The following TMTC2 variants were observed in gnomAD, a reference collection of about 807,000 sequenced individuals.
The protein encoded by TMTC2 is protein O-mannosyl-transferase TMTC2.
In TMTC2, 43 loss-of-function variants were observed where a neutral mutation model predicts 82.4. The observed-to-expected ratio is 0.52, with a 90% CI of 0.41 to 0.67. TMTC2 has a LOEUF of 0.67. TMTC2 is among the 30% of genes least tolerant of loss of function. TMTC2 has a pLI of 0.00. For synonymous variants in TMTC2, 408 were observed against 381.9 expected (o/e 1.07, Z -0.80); for missense variants, 919 against 1,012.4 (o/e 0.91, Z 1.25).
chr12:82,704,110 C>T (rs1873230235), intron 1 of TMTC2, among the ~76,000 whole-genome samples: 2 of 152,062 alleles, frequency 1.3e-5, no homozygotes, highest in South Asian at 4.1e-4. Flanking sequence ...TTTTAAATTG[C>T]AGTCCAAAGG....
intron 8 of TMTC2, among the ~76,000 whole-genome samples, chr12:83,004,374 C>A (rs142232988): frequency 4.4e-4 from 67 of 152,290 alleles, no homozygotes; most frequent in Middle Eastern, 3.4e-3. Flanking sequence ...AATTGTACAT[C>A]TGTCATTTCA....
chr12:82,821,975 A>G (rs1034442202), intron 1 of TMTC2, among the ~76,000 whole-genome samples: 1 of 152,002 alleles, frequency 6.6e-6, no homozygotes, highest in African/African-American at 2.4e-5. Context: ...ACAATGGAGT[A>G]TTATTCAGTG....
chr12:83,133,434 G>A lies in TMTC2; in HGVS notation c.*1045G>A, dbSNP rs1484882851. On this transcript the variant is annotated 3_prime_UTR_variant, in exon 12 of 12. Coordinates refer to ENST00000321196, the MANE Select transcript of TMTC2 (RefSeq NM_152588.3). ...ATCGAATGTTAATCACTTTCTAATG[G>A]GTACCTAAACAGCAATGCTGATAAA... 6.6e-6 allele frequency: 1 copy of A among 152,092 alleles called. No homozygotes were observed. The highest frequency in any genetic ancestry group is 1.5e-5 in the Non-Finnish European group (1 of 68,018). 9.4% of individuals were successfully genotyped at this position (152,092 alleles called of 1,614,324 possible).
chr12:82,700,208 T>C (rs893707017), intron 1 of TMTC2, among the ~76,000 whole-genome samples: 1 of 152,180 alleles, frequency 6.6e-6, no homozygotes, highest in African/African-American at 2.4e-5. Flanking sequence ...TTCTCTCTTA[T>C]ATAGAATAAG....
At chr12:82,811,762 A>AT (rs1022837852) in intron 1 of TMTC2, among the ~76,000 whole-genome samples, 10 of 139,332 alleles carry the variant, frequency 7.2e-5, no homozygotes, top group African/African-American at 2.1e-4. Flanking sequence ...TACTTAGTAC[A>AT]TTTTTTTAAG....
rs1191845948 is a variant in TMTC2 at position 82,889,595 on chromosome 12, C to T, written c.655-6223C>T. Among the ~76,000 whole-genome samples, 10 of 151,878 alleles carry T rather than the reference C, an allele frequency of 6.6e-5. No individual in the cohort carries two copies. The East Asian group carries it at 1.2e-3, about 18-fold the overall frequency. The stretch of plus-strand genomic sequence containing the variant: ...AAAAATAAAAGGCCTTTCGTACATA[C>T]GTAAGCATTTGTGAAAAATATTTTT... On this transcript the variant is annotated intron_variant, in intron 2 of 11. Coordinates refer to ENST00000321196, the MANE Select transcript of TMTC2 (RefSeq NM_152588.3).
chr12:83,116,825 A>T (rs1453370573), intron 11 of TMTC2, among the ~76,000 whole-genome samples: 1 of 151,666 alleles, frequency 6.6e-6, no homozygotes, highest in African/African-American at 2.4e-5. Context: ...TAGAGTCTGG[A>T]TATTGGTCCT....
chr12:82,974,746 G>T (rs1024350435), intron 7 of TMTC2, among the ~76,000 whole-genome samples: 1 of 152,192 alleles, frequency 6.6e-6, no homozygotes, highest in Non-Finnish European at 1.5e-5. Context: ...TCATGCATAG[G>T]TTTGATGAAG....
At chr12:82,971,902 A>G (rs532279919) in intron 7 of TMTC2, among the ~76,000 whole-genome samples, 3 of 152,242 alleles carry the variant, frequency 2.0e-5, no homozygotes, top group African/African-American at 4.8e-5. Flanking sequence ...CCTTCTCTCA[A>G]AGAACTTTCT....
At chr12:82,826,779 G>T (rs949749453) in intron 1 of TMTC2, among the ~76,000 whole-genome samples, 2 of 152,274 alleles carry the variant, frequency 1.3e-5, no homozygotes, top group South Asian at 2.1e-4. Context: ...GCTAACTGAA[G>T]ATTGGAATGT....
rs151221602 is a variant in TMTC2, at chr12:82,859,527, C to A, written c.654+1947C>A. Among the ~76,000 whole-genome samples the A allele has an allele frequency of 3.5e-3, 532 of 152,288 alleles. 2 individuals carry two copies. The highest frequency in any genetic ancestry group is 0.012 in the African/African-American group (494 of 41,568). ...GGCAGAGTTGCCCACTGCAGTACTCCTTCCTAGAAATATGTTCTATACAAT... is the reference window on the plus strand; with the variant it reads ...GGCAGAGTTGCCCACTGCAGTACTCATTCCTAGAAATATGTTCTATACAAT... On this transcript the variant is annotated intron_variant, in intron 2 of 11. Transcript: ENST00000321196.
At position 82,824,157 on chromosome 12, in the gene TMTC2, G is replaced by A. The variant is rs189425268; in HGVS notation, c.84-32853G>A. Among the ~76,000 whole-genome samples, 59 of 152,304 alleles carry A rather than the reference G, an allele frequency of 3.9e-4. No individual in the cohort carries two copies. In the East Asian group the frequency reaches 0.011, roughly 27 times the overall value. ...GATCCACCCTCCTCGGCCTCCCAAA[G>A]TGCTGGGATTATAGGCCTGGGCCAC... On this transcript the variant is annotated intron_variant, in intron 1 of 11. Coordinates refer to ENST00000321196, the MANE Select transcript of TMTC2 (RefSeq NM_152588.3).
At chr12:83,111,755 A>G (rs1884607671) in intron 11 of TMTC2, among the ~76,000 whole-genome samples, 2 of 152,202 alleles carry the variant, frequency 1.3e-5, no homozygotes, top group South Asian at 4.1e-4. Flanking sequence ...TACATCATAA[A>G]TGAATGAGTG....
chr12:82,953,371 G>A (rs953552736), intron 4 of TMTC2, among the ~76,000 whole-genome samples: 6 of 152,100 alleles, frequency 3.9e-5, no homozygotes, highest in Admixed American at 2.6e-4. Flanking sequence ...AAGTAGTAGC[G>A]ACTTATTTAC....
intron 8 of TMTC2, among the ~76,000 whole-genome samples, chr12:83,011,470 T>C (rs540296824): frequency 1.2e-3 from 179 of 152,366 alleles, no homozygotes; most frequent in African/African-American, 4.2e-3. Context: ...TCGTTAACCA[T>C]TAGCAGTAAG....
chr12:83,064,707 A>G (rs1030368759), intron 11 of TMTC2, among the ~76,000 whole-genome samples: 1 of 151,926 alleles, frequency 6.6e-6, no homozygotes, highest in Non-Finnish European at 1.5e-5. Flanking sequence ...AGATAGTAAT[A>G]TAAATTTCTG....
chr12:82,953,876 T>A (rs1350399843), intron 4 of TMTC2, among the ~76,000 whole-genome samples: 1 of 151,950 alleles, frequency 6.6e-6, no homozygotes, highest in Non-Finnish European at 1.5e-5. Flanking sequence ...AGTCCTTATG[T>A]GTGTTAAAGG....
chr12:82,707,752 ACT>A (rs1201398353), intron 1 of TMTC2, among the ~76,000 whole-genome samples: 1 of 152,162 alleles, frequency 6.6e-6, no homozygotes, highest in East Asian at 1.9e-4. Context: ...CAGGAAACAC[ACT>A]CTGTTAGGAG....
At chr12:82,994,041 T>C (rs1478087253) in intron 8 of TMTC2, among the ~76,000 whole-genome samples, 1 of 152,184 alleles carries the variant, frequency 6.6e-6, no homozygotes, top group Non-Finnish European at 1.5e-5. Context: ...GTGAGCCATT[T>C]GGGGTTGACC....
Sources: allele counts gnomAD v4.1 joint callset (sites outside exome capture counted in the v4.1 genomes callset), GRCh38; gene constraint gnomAD v4.1.1; transcripts MANE v1.5; gene names NCBI Gene and HGNC (gene_info 2026-07-23, HGNC 2026-07-21).